The following MYO18B variants were observed in gnomAD, a reference collection of about 807,000 sequenced individuals.
The protein encoded by MYO18B is myosin XVIIIB, also known as unconventional myosin-XVIIIb.
Under a neutral mutation model 273.0 loss-of-function variants are expected in MYO18B, and 204 were observed. The ratio of observed to expected loss-of-function variants is 0.75; its 90% confidence interval spans 0.67 to 0.84. MYO18B has a LOEUF of 0.84. MYO18B is among the 40% of genes least tolerant of loss of function. MYO18B has a pLI of 0.00. For missense variants in MYO18B, 3,212 were observed against 3,287.6 expected (o/e 0.98, Z 0.56); for synonymous variants, 1,330 against 1,305.7 (o/e 1.02, Z -0.40).
At chr22:25,929,593 A>C (rs1210431284) in intron 34 of MYO18B, among the ~76,000 whole-genome samples, 1 of 152,158 alleles carries the variant, frequency 6.6e-6, no homozygotes, top group Non-Finnish European at 1.5e-5. Flanking sequence ...TCTCTTCCAC[A>C]GAGGCAATAT....
intron 22 of MYO18B, among the ~76,000 whole-genome samples, chr22:25,871,732 G>A (rs2091050523): frequency 6.6e-6 from 1 of 152,116 alleles, no homozygotes. Context: ...TGTGGGAAAG[G>A]TGTGATTCCA....
chr22:25,932,928 A>G (rs565386547), intron 34 of MYO18B, among the ~76,000 whole-genome samples: 2 of 152,000 alleles, frequency 1.3e-5, no homozygotes, highest in Admixed American at 6.6e-5. Flanking sequence ...TAAAATAATT[A>G]TTATCTGACC....
chr22:25,954,171 A>G (rs1197301091), intron 38 of MYO18B, among the ~76,000 whole-genome samples: 5 of 152,116 alleles, frequency 3.3e-5, no homozygotes, highest in Non-Finnish European at 7.4e-5. Context: ...TCTGCAGAAC[A>G]GTCTTTGGGT....
rs781530042 is a variant in MYO18B at position 25,772,483 on chromosome 22, G to A, written c.1842G>A (p.Arg614=). The A allele has an allele frequency of 9.3e-6, 15 of 1,613,828 alleles. No homozygotes were observed. In the East Asian group the frequency reaches 3.1e-4, roughly 34 times the overall value. ...CTGATCTGATTGTCCTCCAGCCCCG[G>A]GGGCCCTCGGTGCCTTCTGCAGGGA... The part of the protein sequence containing the change: ...TGPDLIVLQP[R]GPSVPSAGKV... Residue 614 remains arginine (R), a synonymous_variant, in exon 7 of 44, where the codon CGG becomes CGA. Coordinates refer to ENST00000335473, the MANE Select transcript of MYO18B (RefSeq NM_032608.7).
chr22:25,812,361 CTCCACCTCCATCCCAGCTGCT>C (rs1297670043), intron 12 of MYO18B, among the ~76,000 whole-genome samples: 1 of 152,184 alleles, frequency 6.6e-6, no homozygotes, highest in Non-Finnish European at 1.5e-5. Context: ...TCCCTTCCTT[CTCCACCTCCATCCCAGCTGCT>C]TCCACCCCTT....
intron 1 of MYO18B, chr22:25,756,507 C>T (rs1239878549): frequency 1.3e-5 from 2 of 152,240 alleles, no homozygotes; most frequent in African/African-American, 4.8e-5. Context: ...TAGCATTTGC[C>T]AATTTCCGTG....
intron 37 of MYO18B, among the ~76,000 whole-genome samples, chr22:25,951,237 C>T (rs1281180206): frequency 6.6e-6 from 1 of 152,208 alleles, no homozygotes; most frequent in East Asian, 1.9e-4. Flanking sequence ...CAAGTTGACA[C>T]TCAGTATTAA....
chr22:25,778,795 A>G (rs934923569), intron 8 of MYO18B, among the ~76,000 whole-genome samples: 1 of 20,586 alleles, frequency 4.9e-5, no homozygotes, highest in Non-Finnish European at 1.2e-4. Flanking sequence ...CCCAACCTGA[A>G]CTTTTTTTTT....
At chr22:26,008,256 A>G (rs1008851793) in intron 42 of MYO18B, among the ~76,000 whole-genome samples, 14 of 152,200 alleles carry the variant, frequency 9.2e-5, no homozygotes, top group Admixed American at 5.9e-4. Flanking sequence ...TTTGAAAAAC[A>G]CACATTCTTA....
At position 25,769,215 on chromosome 22, in the gene MYO18B, G is replaced by C. The variant is rs1400372334; in HGVS notation, c.1299G>C (p.Gly433=). ...TGGTGGAGTCGCCAGCAGCTCCTGG[G>C]AAGGGAGGCTGGCCAGGAAGCCGTG... The part of the protein sequence containing the change: ...STMVESPAAP[G]KGGWPGSRGQ... The change falls in exon 4 of 44, where the codon GGG becomes GGC. Residue 433 remains glycine, a synonymous_variant. Coordinates refer to ENST00000335473, the MANE Select transcript of MYO18B (RefSeq NM_032608.7). The C allele has an allele frequency of 1.2e-6, 2 of 1,605,272 alleles. No individual in the cohort carries two copies. The highest frequency in any genetic ancestry group is 1.7e-6 in the Non-Finnish European group (2 of 1,176,086).
the MYO18B span, among the ~76,000 whole-genome samples, chr22:26,061,377 G>C: frequency 3.3e-5 from 5 of 152,142 alleles, no homozygotes; most frequent in Non-Finnish European, 7.4e-5. Flanking sequence ...AGTCCTGTTA[G>C]GGTCTGCTTT....
chr22:25,809,818 A>G (rs982123416), intron 12 of MYO18B, among the ~76,000 whole-genome samples: 2 of 152,158 alleles, frequency 1.3e-5, no homozygotes, highest in African/African-American at 2.4e-5. Flanking sequence ...AAGCTGTGGT[A>G]AGACCTGAGT....
rs1469596351 is a variant in MYO18B at position 25,843,889 on chromosome 22, A to G, written c.3363A>G (p.Ser1121=). 6.2e-7 allele frequency: 1 copy of G among 1,600,468 alleles called. No homozygotes were observed. Among genetic ancestry groups the G allele is most frequent in the Non-Finnish European group, 8.6e-7 (1 of 1,169,102 alleles). ...ALDAPQVLHQ[S]KREELRSLFQ... ...ATGCACCCCAGGTCCTGCACCAGTC[A>G]AAAAGGTGAGTTGGGTCAGGGTTGG... The change falls in exon 18 of 44, where the codon TCA becomes TCG. Residue 1121 remains serine, a synonymous_variant. Transcript: ENST00000335473.
At chr22:25,799,392 G>T (rs771483008) in intron 12 of MYO18B, among the ~76,000 whole-genome samples, 1 of 152,130 alleles carries the variant, frequency 6.6e-6, no homozygotes, top group Admixed American at 6.5e-5. Context: ...CAATATAGAA[G>T]GTTCTGGGGA....
At chr22:26,042,240 T>C in the MYO18B span, among the ~76,000 whole-genome samples, 1 of 152,218 alleles carries the variant, frequency 6.6e-6, no homozygotes, top group Non-Finnish European at 1.5e-5. Flanking sequence ...AGACTGAGTG[T>C]TCTCATTTGT....
At chr22:25,816,879 G>A (rs1027266104) in intron 12 of MYO18B, among the ~76,000 whole-genome samples, 17 of 152,128 alleles carry the variant, frequency 1.1e-4, no homozygotes, top group African/African-American at 3.9e-4. Context: ...ACAGGCCTCC[G>A]AATTGTAAAC....
intron 34 of MYO18B, among the ~76,000 whole-genome samples, chr22:25,923,745 T>G (rs2092381908): frequency 6.6e-6 from 1 of 152,210 alleles, no homozygotes. Flanking sequence ...GCAACTCCCT[T>G]GGCAGAAGGC....
At chr22:26,024,122 G>A (rs1452931306) in intron 42 of MYO18B, among the ~76,000 whole-genome samples, 5 of 152,184 alleles carry the variant, frequency 3.3e-5, no homozygotes, top group African/African-American at 4.8e-5. Flanking sequence ...TTCAATTGAG[G>A]CTTTTATTGA....
intron 42 of MYO18B, among the ~76,000 whole-genome samples, chr22:26,011,346 C>A (rs981632311): frequency 3.3e-5 from 5 of 152,122 alleles, no homozygotes; most frequent in African/African-American, 9.7e-5. Flanking sequence ...AGCCTCTTAC[C>A]TTTGGCCTAA....
Sources: allele counts gnomAD v4.1 joint callset (sites outside exome capture counted in the v4.1 genomes callset), GRCh38; gene constraint gnomAD v4.1.1; transcripts MANE v1.5; gene names NCBI Gene and HGNC (gene_info 2026-07-23, HGNC 2026-07-21).